LNPEP: variants seen among roughly 807,000 people sequenced by gnomAD.
LNPEP encodes the protein leucyl and cystinyl aminopeptidase, also known as leucyl-cystinyl aminopeptidase.
A neutral mutation model predicts 120.6 loss-of-function variants in LNPEP; 64 were observed. The observed-to-expected ratio is 0.53, with a 90% CI of 0.43 to 0.65. LNPEP has a LOEUF of 0.65. Ranked by LOEUF, LNPEP falls within the 30% of genes least tolerant of loss-of-function variation. LNPEP has a pLI of 0.00. For missense variants in LNPEP, 1,057 were observed against 1,200.0 expected, an observed-to-expected ratio of 0.88 and a Z score of 1.76; for synonymous variants, 435 against 425.4, an observed-to-expected ratio of 1.02 and a Z score of -0.28.
Position 96,979,238 on chromosome 5 carries a change from G to C in LNPEP, c.120G>C (p.Glu40Asp), listed in dbSNP as rs111742224. ...AAGAGCCTTGTTTACATCCTCTAGA[G>C]CCTGATGAGGTGGAATATGAGCCCC... ...LAKEPCLHPL[E>D]PDEVEYEPRG... Residue 40 changes from glutamate to aspartate, a missense_variant, in exon 2 of 18, where the codon GAG becomes GAC. By Grantham distance (45) the Glu-to-Asp change is conservative. Coordinates refer to ENST00000231368, the MANE Select transcript of LNPEP (RefSeq NM_005575.3). 6.2e-6 allele frequency: 10 copies of C among 1,613,948 alleles called. No homozygotes were observed. The highest frequency in any genetic ancestry group is 1.3e-5 in the African/African-American group (1 of 75,022).
At chr5:97,016,969 C>T (rs140461199) in intron 13 of LNPEP, among the ~76,000 whole-genome samples, 154 of 152,128 alleles carry the variant, frequency 1.0e-3, no homozygotes, top group African/African-American at 3.3e-3. Context: ...ATGATGTCTT[C>T]GATGAATGTC....
chr5:96,957,786 A>G (rs531268414), intron 1 of LNPEP, among the ~76,000 whole-genome samples: 2 of 152,214 alleles, frequency 1.3e-5, no homozygotes, highest in Non-Finnish European at 2.9e-5. Context: ...GAATCTTAAG[A>G]TAATTTGTGT....
chr5:96,988,578 C>T (rs955909047), intron 4 of LNPEP, among the ~76,000 whole-genome samples: 4 of 151,666 alleles, frequency 2.6e-5, no homozygotes, highest in African/African-American at 4.8e-5. Flanking sequence ...CCTTGTGATC[C>T]GCCCGCCTCA....
chr5:96,954,745 T>TACACACACAC (rs1173579568), intron 1 of LNPEP, among the ~76,000 whole-genome samples: 2 of 47,872 alleles, frequency 4.2e-5, no homozygotes, highest in African/African-American at 1.5e-4. Context: ...CATATATATA[T>TACACACACAC]ACACATATAT....
intron 13 of LNPEP, among the ~76,000 whole-genome samples, chr5:97,021,892 G>T (rs1791205089): frequency 8.4e-6 from 1 of 118,362 alleles, no homozygotes; most frequent in Non-Finnish European, 1.8e-5. Context: ...AGATCTAATT[G>T]TCCTGGGGTT....
At chr5:96,982,189 A>G (rs1043124064) in intron 2 of LNPEP, among the ~76,000 whole-genome samples, 1 of 152,154 alleles carries the variant, frequency 6.6e-6, no homozygotes, top group Non-Finnish European at 1.5e-5. Flanking sequence ...ACTCAAGGTC[A>G]TTTTAACTGC....
intron 1 of LNPEP, among the ~76,000 whole-genome samples, chr5:96,948,116 TTC>T (rs1359615572): frequency 6.7e-6 from 1 of 150,094 alleles, no homozygotes; most frequent in Non-Finnish European, 1.5e-5. Context: ...TAATACAAAT[TTC>T]TCTTTTTTTT....
intron 1 of LNPEP, among the ~76,000 whole-genome samples, chr5:96,978,351 C>T (rs1381860160): frequency 6.6e-6 from 1 of 151,802 alleles, no homozygotes; most frequent in Non-Finnish European, 1.5e-5. Context: ...GGTTGTTTCC[C>T]ATGGAAATAT....
chr5:97,016,853 C>G (rs1050478039), intron 13 of LNPEP, among the ~76,000 whole-genome samples: 1 of 152,078 alleles, frequency 6.6e-6, no homozygotes, highest in Non-Finnish European at 1.5e-5. Context: ...TATCGACTTT[C>G]TAGTGTTAGT....
In LNPEP at chr5:97,036,286, G is replaced by C. The variant is rs1791570917; in HGVS notation, c.*7753G>C. 1 of 152,136 alleles carries C rather than the reference G, an allele frequency of 6.6e-6. No individual in the cohort carries two copies. The highest frequency in any genetic ancestry group is 1.5e-5 in the Non-Finnish European group (1 of 68,014). 9.4% of individuals were successfully genotyped at this position (152,136 alleles called of 1,614,324 possible). ...TCATCCCCCACATGTGGCAAGACAA[G>C]TTGGCCCTTTCTTACCCAGAGGTCT... On this transcript the variant is annotated 3_prime_UTR_variant, in exon 18 of 18. Coordinates refer to ENST00000231368, the MANE Select transcript of LNPEP (RefSeq NM_005575.3).
chr5:96,979,488 G>T lies in LNPEP; in HGVS notation c.370G>T (p.Val124Leu), dbSNP rs764484600. The change falls in exon 2 of 18, where the codon GTA becomes TTA. Residue 124 changes from valine to leucine, a missense_variant. Coordinates refer to ENST00000231368, the MANE Select transcript of LNPEP (RefSeq NM_005575.3). Reference protein sequence around the residue: ...CAFVIVVAVSVIMVIYLLPRC... With the variant: ...CAFVIVVAVSLIMVIYLLPRC... ...TTTTGTCATCGTGGTTGCTGTTTCT[G>T]TAATCATGGTGATTTACTTACTGCC... 6.2e-7 allele frequency: 1 copy of T among 1,614,092 alleles called. No individual in the cohort carries two copies. Among genetic ancestry groups the T allele is most frequent in the South Asian group, 1.1e-5 (1 of 91,086 alleles).
intron 1 of LNPEP, among the ~76,000 whole-genome samples, chr5:96,966,059 A>C (rs1454591170): frequency 6.6e-6 from 1 of 152,170 alleles, no homozygotes; most frequent in African/African-American, 2.4e-5. Context: ...ATAGATATTT[A>C]AAACAATGTG....
In LNPEP at chr5:97,027,811, T is replaced by C; in HGVS notation, c.2943T>C (p.Ser981=). 1 of 1,595,410 alleles carries C rather than the reference T, an allele frequency of 6.3e-7. No individual in the cohort carries two copies. The highest frequency in any genetic ancestry group is 1.1e-5 in the South Asian group (1 of 90,686). The change falls in exon 17 of 18, where the codon TCT becomes TCC. Residue 981 remains serine (S), a synonymous_variant. Coordinates refer to ENST00000231368, the MANE Select transcript of LNPEP (RefSeq NM_005575.3). ...TGTTTTCAACAAAGACACATTTATC[T>C]GAGGTTGGTTTTATAAAATGATAAT... The part of the protein sequence containing the change: ...TYLFSTKTHL[S]EVQAFFENQS...
chr5:96,954,772 A>ATATATT (rs1275200137), intron 1 of LNPEP, among the ~76,000 whole-genome samples: 8 of 27,108 alleles, frequency 3.0e-4, no homozygotes, highest in South Asian at 1.1e-3. Context: ...ATATATATAT[A>ATATATT]TTTTTTTTTT....
intron 1 of LNPEP, among the ~76,000 whole-genome samples, chr5:96,961,262 G>A (rs904502020): frequency 6.6e-6 from 1 of 152,158 alleles, no homozygotes; most frequent in Non-Finnish European, 1.5e-5. Flanking sequence ...GTATGGGAAA[G>A]CGGTTATTTT....
At chr5:96,945,070 G>A (rs1644774265) in intron 1 of LNPEP, among the ~76,000 whole-genome samples, 1 of 151,898 alleles carries the variant, frequency 6.6e-6, no homozygotes, top group East Asian at 1.9e-4. Flanking sequence ...AACGTAAAAT[G>A]TGCCAGACTC....
At position 96,998,045 on chromosome 5, in the gene LNPEP, C is replaced by A; in HGVS notation, c.1553C>A (p.Thr518Asn). 6.3e-7 allele frequency: 1 copy of A among 1,581,042 alleles called. No individual in the cohort carries two copies. Among genetic ancestry groups the A allele is most frequent in the South Asian group, 1.1e-5 (1 of 88,268 alleles). Residue 518 changes from threonine to asparagine, a missense_variant, in exon 8 of 18, where the codon ACC becomes AAC. Coordinates refer to ENST00000231368, the MANE Select transcript of LNPEP (RefSeq NM_005575.3). ...GATTTCTTAGATGCTCGATTTAAAA[C>A]CATGAAGAAAGATTCCTTAAATTCA... Reference protein sequence around the residue: ...YEDFLDARFKTMKKDSLNSSH... With the variant: ...YEDFLDARFKNMKKDSLNSSH...
intron 1 of LNPEP, among the ~76,000 whole-genome samples, chr5:96,971,808 A>AT (rs941940148): frequency 6.6e-5 from 10 of 150,892 alleles, no homozygotes; most frequent in African/African-American, 2.4e-4. Context: ...ACATATTCTC[A>AT]TTTTTTCCTT....
intron 1 of LNPEP, among the ~76,000 whole-genome samples, chr5:96,960,922 C>G (rs899157519): frequency 6.6e-6 from 1 of 151,666 alleles, no homozygotes; most frequent in African/African-American, 2.4e-5. Flanking sequence ...TTTTTGAGAC[C>G]AAGATGAAAC....
Sources: allele counts gnomAD v4.1 joint callset (sites outside exome capture counted in the v4.1 genomes callset), GRCh38; gene constraint gnomAD v4.1.1; transcripts MANE v1.5; gene names NCBI Gene and HGNC (gene_info 2026-07-23, HGNC 2026-07-21).